The following ADAMTS3 variants were observed in gnomAD, a reference collection of about 807,000 sequenced individuals.
ADAMTS3 encodes the protein ADAM metallopeptidase with thrombospondin type 1 motif 3.
In ADAMTS3, 73 loss-of-function variants were observed where a neutral mutation model predicts 129.0. The observed-to-expected ratio is 0.57, with a 90% CI of 0.47 to 0.69. The LOEUF is 0.69. Among genes scored for constraint, ADAMTS3 ranks in the 30% least tolerant of loss-of-function variants. ADAMTS3 has a pLI of 0.00. For synonymous variants in ADAMTS3, 477 were observed against 510.8 expected, an observed-to-expected ratio of 0.93 and a Z score of 0.89; for missense variants, 1,457 against 1,514.5, an observed-to-expected ratio of 0.96 and a Z score of 0.63.
intron 2 of ADAMTS3, among the ~76,000 whole-genome samples, chr4:72,564,708 A>G (rs1209446460): frequency 6.6e-6 from 1 of 152,172 alleles, no homozygotes; most frequent in Non-Finnish European, 1.5e-5. Flanking sequence ...AATATCCTGC[A>G]TGAGACACTA....
chr4:72,367,716 G>A (rs759744934), intron 4 of ADAMTS3, among the ~76,000 whole-genome samples: 3 of 152,144 alleles, frequency 2.0e-5, no homozygotes, highest in East Asian at 3.9e-4. Flanking sequence ...CGGGCGTGGC[G>A]GCAGGCGCCT....
chr4:72,381,028 T>TTGG (rs1370463573), intron 4 of ADAMTS3, among the ~76,000 whole-genome samples: 3 of 152,154 alleles, frequency 2.0e-5, no homozygotes, highest in African/African-American at 7.2e-5. Flanking sequence ...AGCTCCCAGT[T>TTGG]TTAATAGAAG....
intron 3 of ADAMTS3, among the ~76,000 whole-genome samples, chr4:72,462,005 C>A (rs780696968): frequency 2.0e-5 from 3 of 151,910 alleles, no homozygotes; most frequent in Non-Finnish European, 4.4e-5. Flanking sequence ...CCTGGTTACT[C>A]TTCTGAGCAC....
chr4:72,369,857 A>C (rs1291103575), intron 4 of ADAMTS3, among the ~76,000 whole-genome samples: 1 of 152,154 alleles, frequency 6.6e-6, no homozygotes, highest in African/African-American at 2.4e-5. Flanking sequence ...CATTCTTAAA[A>C]GCAGGCTTTT....
chr4:72,288,751 CA>C lies in ADAMTS3; in HGVS notation c.3048del (p.Asn1016LysfsTer48), dbSNP rs1560459242. On this transcript the variant is annotated frameshift_variant and splice_region_variant, in exon 21 of 22. Coordinates refer to ENST00000286657, the MANE Select transcript of ADAMTS3 (RefSeq NM_014243.3). LOFTEE classifies it low-confidence loss of function (END_TRUNC). ...TGAAGTCAATTGGTGTGACACCTAC[CA>C]TTACAAGGAGGCAGTTGACAGGCTC... ...SVRACQLPPC[N>X]DEPCLGDKSI... is the part of the protein sequence containing the mutation. 2.5e-6 allele frequency: 4 copies of C among 1,598,798 alleles called. No homozygotes were observed. The highest frequency in any genetic ancestry group is 3.4e-6 in the Non-Finnish European group (4 of 1,166,140).
intron 3 of ADAMTS3, among the ~76,000 whole-genome samples, chr4:72,500,751 T>G (rs1198058633): frequency 6.6e-6 from 1 of 152,152 alleles, no homozygotes; most frequent in Non-Finnish European, 1.5e-5. Flanking sequence ...TTTTGAGGTC[T>G]TACATTTAAA....
intron 12 of ADAMTS3, 68 bp downstream of exon 12, chr4:72,313,609 T>C: frequency 1.3e-6 from 2 of 1,518,870 alleles, no homozygotes; most frequent in Non-Finnish European, 1.8e-6. Context: ...AACAGAATAC[T>C]AATAACATAA....
chr4:72,427,466 C>T (rs1402145911), intron 3 of ADAMTS3, among the ~76,000 whole-genome samples: 1 of 152,018 alleles, frequency 6.6e-6, no homozygotes, highest in African/African-American at 2.4e-5. Flanking sequence ...CTCAGGTAAG[C>T]TCTCTGTTCC....
At chr4:72,377,122 C>T (rs1351314088) in intron 4 of ADAMTS3, among the ~76,000 whole-genome samples, 1 of 152,130 alleles carries the variant, frequency 6.6e-6, no homozygotes, top group Non-Finnish European at 1.5e-5. Context: ...TACTGCACAC[C>T]CACAAAGGCA....
chr4:72,454,995 G>A (rs1383389915), intron 3 of ADAMTS3, among the ~76,000 whole-genome samples: 1 of 151,660 alleles, frequency 6.6e-6, no homozygotes, highest in Admixed American at 6.6e-5. Context: ...GTATGAGACT[G>A]AATTCATCAG....
Position 72,522,250 on chromosome 4 carries a change from G to T in ADAMTS3, c.504+26228C>A, listed in dbSNP as rs376816576. On this transcript the variant is annotated intron_variant, in intron 3 of 21. Transcript: ENST00000286657. ...TTGACCTTCTGAGTAGGTGTGGTAG[G>T]ACAAATTTCATCCTCAATATTCACA... 9.9e-5 allele frequency among the ~76,000 whole-genome samples: 15 copies of T among 152,186 alleles called. No homozygotes were observed. In the East Asian group the frequency reaches 2.7e-3, roughly 27 times the overall value.
chr4:72,498,918 AC>A (rs992658663), intron 3 of ADAMTS3, among the ~76,000 whole-genome samples: 62 of 152,254 alleles, frequency 4.1e-4, no homozygotes, highest in African/African-American at 1.3e-3. Context: ...TCCATCTCTG[AC>A]ACTATTTATA....
At chr4:72,323,660 C>T (rs1398135285) in intron 5 of ADAMTS3, among the ~76,000 whole-genome samples, 3 of 152,106 alleles carry the variant, frequency 2.0e-5, no homozygotes, top group Non-Finnish European at 4.4e-5. Flanking sequence ...TAGAAATCCT[C>T]CAATATTTAA....
At chr4:72,349,258 C>A (rs987326376) in intron 4 of ADAMTS3, among the ~76,000 whole-genome samples, 1 of 151,844 alleles carries the variant, frequency 6.6e-6, no homozygotes, top group Admixed American at 6.6e-5. Context: ...ATAATTAGGC[C>A]ACAATTTCAC....
intron 3 of ADAMTS3, among the ~76,000 whole-genome samples, chr4:72,426,021 C>A (rs1486325690): frequency 6.6e-6 from 1 of 152,168 alleles, no homozygotes; most frequent in Non-Finnish European, 1.5e-5. Flanking sequence ...TTAATGATTG[C>A]CATTCTAACC....
chr4:72,299,053 C>CTGTG (rs60439058), intron 17 of ADAMTS3, among the ~76,000 whole-genome samples: 8,348 of 137,998 alleles, frequency 0.06, 513 homozygotes, highest in African/African-American at 0.15. Flanking sequence ...TATTTGCATT[C>CTGTG]TGTGTGTGTG....
intron 4 of ADAMTS3, among the ~76,000 whole-genome samples, chr4:72,398,600 C>T (rs558986047): frequency 6.6e-5 from 10 of 152,036 alleles, no homozygotes; most frequent in Non-Finnish European, 1.2e-4. Context: ...TACATACATA[C>T]ATAAATAAAA....
At chr4:72,364,653 CA>C (rs1347181150) in intron 4 of ADAMTS3, among the ~76,000 whole-genome samples, 1 of 149,924 alleles carries the variant, frequency 6.7e-6, no homozygotes, top group East Asian at 1.9e-4. Context: ...CATAAGAAAA[CA>C]AATGAAAAAA....
intron 2 of ADAMTS3, among the ~76,000 whole-genome samples, chr4:72,550,098 A>G (rs373523523): frequency 1.5e-5 from 2 of 133,354 alleles, no homozygotes; most frequent in African/African-American, 2.8e-5. Context: ...GAAGAAGAAG[A>G]AGAAGAAGAA....
Sources: allele counts gnomAD v4.1 joint callset (sites outside exome capture counted in the v4.1 genomes callset), GRCh38; gene constraint gnomAD v4.1.1; transcripts MANE v1.5; gene names NCBI Gene and HGNC (gene_info 2026-07-23, HGNC 2026-07-21).